The following IL5RA variants were observed in gnomAD, a reference collection of about 807,000 sequenced individuals.
IL5RA encodes the protein interleukin 5 receptor subunit alpha, also known as interleukin-5 receptor subunit alpha.
IL5RA carries 49 observed loss-of-function variants against 50.0 expected under a neutral mutation model. The ratio of observed to expected loss-of-function variants is 0.98; its 90% CI spans 0.78 to 1.24. The LOEUF (loss-of-function observed/expected upper bound fraction) is 1.24, where lower values mean the gene tolerates loss of function less well. Among genes scored for constraint, IL5RA ranks in the 50% most tolerant of loss-of-function variants. IL5RA has a pLI of 0.00. For synonymous variants in IL5RA, 202 were observed against 174.0 expected (o/e 1.16, Z -1.26); for missense variants, 600 against 500.4 (o/e 1.20, Z -1.90).
Position 3,069,479 on chromosome 3 carries a change from C to T in IL5RA, c.*746G>A, listed in dbSNP as rs1230690953. ...CTCAATGACTTCCTCAGCACATTTC[C>T]AGAATATTAAGGCTTCCTTCAAGAA... On this transcript the variant is annotated 3_prime_UTR_variant, in exon 12 of 12. Coordinates refer to ENST00000446632, the MANE Select transcript of IL5RA (RefSeq NM_175726.4). 6.6e-6 allele frequency: 1 copy of T among 152,158 alleles called. No homozygotes were observed. Among genetic ancestry groups the T allele is most frequent in the African/African-American group, 2.4e-5 (1 of 41,438 alleles). 9.4% of individuals were successfully genotyped at this position (152,158 alleles called of 1,614,324 possible).
intron 7 of IL5RA, among the ~76,000 whole-genome samples, chr3:3,096,819 G>C (rs1251941797): frequency 6.6e-6 from 1 of 152,168 alleles, no homozygotes; most frequent in African/African-American, 2.4e-5. Context: ...ATATGTCACA[G>C]CCAAATCATA....
chr3:3,094,879 C>T (rs977715881), intron 8 of IL5RA, among the ~76,000 whole-genome samples: 1 of 152,102 alleles, frequency 6.6e-6, no homozygotes, highest in Non-Finnish European at 1.5e-5. Flanking sequence ...AGTCACGCGC[C>T]ATCACGTTGG....
At chr3:3,102,940 A>T (rs1703724415) in intron 3 of IL5RA, 120 bp from the exon 4 acceptor site, 6 of 712,368 alleles carry the variant, frequency 8.4e-6, no homozygotes, top group Non-Finnish European at 8.9e-6. Context: ...AGCACCACAG[A>T]CACAGTTGCT....
chr3:3,097,842 T>C lies in IL5RA; in HGVS notation c.709+28A>G, dbSNP rs768829071. 6.3e-6 allele frequency: 10 copies of C among 1,593,996 alleles called. No individual in the cohort carries two copies. The South Asian group carries it at 8.9e-5, about 14-fold the overall frequency. On this transcript the variant is annotated intron_variant, in intron 7 of 11. Transcript: ENST00000446632. Reference sequence around the variant, plus strand: ...GTGCTGAGATTCCGAGATTCAGTTATTTCAGCTTTGGGTTAAGTCGGTCTT... The same window carrying C: ...GTGCTGAGATTCCGAGATTCAGTTACTTCAGCTTTGGGTTAAGTCGGTCTT...
In IL5RA at chr3:3,098,201, G is replaced by C; in HGVS notation, c.457C>G (p.Leu153Val). Residue 153 changes from leucine to valine, a missense_variant, in exon 6 of 12, where the codon CTT becomes GTT. Physicochemically the swap from Leu to Val is conservative, Grantham distance 32. Transcript: ENST00000446632. ...GTGCCAACAAGCCAGGTGCAGTGAA[G>C]GGAAACTTGGTATGACCTTAAACGT... Reference protein sequence around the residue: ...YSRLRSYQVSLHCTWLVGTDA... With the variant: ...YSRLRSYQVSVHCTWLVGTDA... The C allele has an allele frequency of 1.9e-6, 3 of 1,614,128 alleles. No homozygotes were observed. The highest frequency in any genetic ancestry group is 2.5e-6 in the Non-Finnish European group (3 of 1,179,988).
intron 11 of IL5RA, among the ~76,000 whole-genome samples, chr3:3,071,921 C>T (rs1206732626): frequency 6.6e-6 from 1 of 152,138 alleles, no homozygotes; most frequent in Non-Finnish European, 1.5e-5. Flanking sequence ...TAACTGAGGT[C>T]TGAACAAGCA....
chr3:3,086,535 A>G (rs969883195), intron 9 of IL5RA, among the ~76,000 whole-genome samples: 3 of 152,150 alleles, frequency 2.0e-5, no homozygotes, highest in African/African-American at 7.2e-5. Flanking sequence ...TGATAAAATG[A>G]AACTGCTACT....
chr3:3,083,008 C>A (rs17878327), intron 9 of IL5RA, among the ~76,000 whole-genome samples: 1 of 152,164 alleles, frequency 6.6e-6, no homozygotes, highest in Non-Finnish European at 1.5e-5. Context: ...GTTTTTAGAG[C>A]CAGCAGGTGC....
chr3:3,082,916 T>C (rs921256865), intron 9 of IL5RA, among the ~76,000 whole-genome samples: 27 of 152,230 alleles, frequency 1.8e-4, no homozygotes, highest in African/African-American at 5.5e-4. Context: ...TTGAATCTGA[T>C]TTCAGACTCA....
chr3:3,094,617 T>G (rs1332848833), intron 8 of IL5RA, among the ~76,000 whole-genome samples: 1 of 152,260 alleles, frequency 6.6e-6, no homozygotes, highest in Non-Finnish European at 1.5e-5. Flanking sequence ...CTTTTGTATA[T>G]GTAATCAGCA....
intron 9 of IL5RA, among the ~76,000 whole-genome samples, chr3:3,085,206 G>A (rs1702807322): frequency 6.6e-6 from 1 of 152,224 alleles, no homozygotes; most frequent in South Asian, 2.1e-4. Context: ...ACAATAAGCT[G>A]TGTTAGTCTT....
chr3:3,071,510 G>A (rs776449969), intron 11 of IL5RA, among the ~76,000 whole-genome samples: 27 of 151,320 alleles, frequency 1.8e-4, no homozygotes, highest in Non-Finnish European at 3.7e-4. Context: ...TTTAGAATAA[G>A]CCTTTCTTTT....
At chr3:3,107,534 C>A (rs990862825) in intron 2 of IL5RA, among the ~76,000 whole-genome samples, 1 of 152,158 alleles carries the variant, frequency 6.6e-6, no homozygotes, top group South Asian at 2.1e-4. Context: ...ATATGTTCGA[C>A]TCATTCTTCT....
At chr3:3,107,625 A>C (rs1184593638) in intron 2 of IL5RA, among the ~76,000 whole-genome samples, 1 of 143,560 alleles carries the variant, frequency 7.0e-6, no homozygotes, top group Non-Finnish European at 1.6e-5. Flanking sequence ...AAGCAACTAT[A>C]GGTTGTTTAT....
intron 3 of IL5RA, 198 bp from the exon 4 acceptor site, chr3:3,103,018 G>A (rs1326205844): frequency 8.9e-6 from 4 of 449,130 alleles, no homozygotes; most frequent in Non-Finnish European, 1.6e-5. Flanking sequence ...GGGACTACAG[G>A]CGCATGCCAC....
intron 3 of IL5RA, among the ~76,000 whole-genome samples, chr3:3,103,429 G>T (rs1283082505): frequency 6.6e-6 from 1 of 152,294 alleles, no homozygotes; most frequent in African/African-American, 2.4e-5. Context: ...ATATCAGTGT[G>T]CATCAAACAT....
chr3:3,075,573 T>A (rs1323580668), intron 10 of IL5RA, among the ~76,000 whole-genome samples: 2 of 151,620 alleles, frequency 1.3e-5, no homozygotes, highest in Non-Finnish European at 2.9e-5. Flanking sequence ...AATATAACGT[T>A]TATAATAGTA....
At chr3:3,100,794 C>A (rs956855965) in intron 5 of IL5RA, among the ~76,000 whole-genome samples, 6 of 152,076 alleles carry the variant, frequency 3.9e-5, no homozygotes, top group African/African-American at 1.2e-4. Context: ...TTGGATTAGT[C>A]TCTGTACTTG....
chr3:3,069,643 TC>T lies in IL5RA; in HGVS notation c.*581del. 1 of 151,970 alleles carries T rather than the reference TC, an allele frequency of 6.6e-6. No homozygotes were observed. The highest frequency in any genetic ancestry group is 1.5e-5 in the Non-Finnish European group (1 of 68,046). The allele number at this position is 151,970 out of a possible 1,614,324, so 9.4% of individuals were successfully genotyped here. On this transcript the variant is annotated 3_prime_UTR_variant, in exon 12 of 12. Coordinates refer to ENST00000446632, the MANE Select transcript of IL5RA (RefSeq NM_175726.4). ...GCTTGAGATAATTTCTCTCTCTCTCTCTCTCTCTCTCTCTCTCATACACACA... is the reference window on the plus strand; with the variant it reads ...GCTTGAGATAATTTCTCTCTCTCTCTTCTCTCTCTCTCTCTCATACACACA...
Sources: gnomAD v4.1 joint callset for allele counts (sites outside exome capture counted in the v4.1 genomes callset) on GRCh38, gnomAD v4.1.1 for gene constraint, MANE v1.5 for transcripts, NCBI Gene and HGNC (gene_info 2026-07-23, HGNC 2026-07-21) for gene names.